Variants in DUSP13B observed in about 807,000 individuals in gnomAD.
The protein encoded by DUSP13B is dual specificity protein phosphatase 13B.
chr10:75,101,860 C>T, the DUSP13B span: 5 of 1,366,072 alleles, frequency 3.7e-6, no homozygotes, highest in Non-Finnish European at 4.9e-6. Context: ...TAGGAGCACT[C>T]ACCCACCTGT....
At chr10:75,108,904 G>C in the DUSP13B span, 1 of 1,442,948 alleles carries the variant, frequency 6.9e-7, no homozygotes, top group South Asian at 1.4e-5. Flanking sequence ...GATGGTCAGA[G>C]CAGAGCTATT....
chr10:75,101,855 G>T, the DUSP13B span: 946 of 1,364,446 alleles, frequency 6.9e-4, 5 homozygotes, highest in African/African-American at 0.012. Context: ...CAAATTAGGA[G>T]CACTCACCCA....
At chr10:75,107,964 G>C in the DUSP13B span, 2 of 1,591,800 alleles carry the variant, frequency 1.3e-6, no homozygotes, top group Non-Finnish European at 1.7e-6. Flanking sequence ...GAGCAAGATG[G>C]GATATGGGCT....
the DUSP13B span, chr10:75,103,917 TGA>T: frequency 3.8e-6 from 5 of 1,313,736 alleles, no homozygotes; most frequent in Non-Finnish European, 5.0e-6. Context: ...AGACAGTGGC[TGA>T]GAGGGGGTGT....
At chr10:75,102,059 G>A in the DUSP13B span, 1 of 909,100 alleles carries the variant, frequency 1.1e-6, no homozygotes, top group Non-Finnish European at 1.6e-6. Flanking sequence ...TCCATGGCAT[G>A]GCCAGTGCCA....
chr10:75,096,706 C>T, the DUSP13B span, among the ~76,000 whole-genome samples: 1 of 151,898 alleles, frequency 6.6e-6, no homozygotes, highest in Non-Finnish European at 1.5e-5. Flanking sequence ...GATGATAATC[C>T]CTGCATTCCA....
the DUSP13B span, among the ~76,000 whole-genome samples, chr10:75,102,713 G>A: frequency 1.3e-5 from 2 of 152,190 alleles, no homozygotes; most frequent in East Asian, 1.9e-4. Flanking sequence ...AGCACTTTGG[G>A]AGGCCGAGGT....
the DUSP13B span, among the ~76,000 whole-genome samples, chr10:75,102,728 G>T: frequency 1.1e-4 from 17 of 152,228 alleles, no homozygotes; most frequent in East Asian, 3.1e-3. Flanking sequence ...CGAGGTGGGC[G>T]GATCACCTGA....
the DUSP13B span, chr10:75,099,491 G>A: frequency 2.8e-5 from 35 of 1,231,962 alleles, no homozygotes; most frequent in South Asian, 1.7e-4. Flanking sequence ...CTGCCTGAGC[G>A]GAACAGGGCT....
the DUSP13B span, chr10:75,103,747 G>A: frequency 1.7e-6 from 1 of 573,204 alleles, no homozygotes; most frequent in Non-Finnish European, 2.6e-6. Context: ...AGCCCTGAGG[G>A]GAGCTGCTGG....
At chr10:75,105,688 CG>C in the DUSP13B span, 1 of 1,549,776 alleles carries the variant, frequency 6.5e-7, no homozygotes, top group Non-Finnish European at 8.7e-7. Flanking sequence ...GCCGGCACCC[CG>C]CAGTTGCTGG....
At chr10:75,099,208 C>T in the DUSP13B span, 1 of 1,232,124 alleles carries the variant, frequency 8.1e-7, no homozygotes, top group African/African-American at 1.6e-5. Context: ...TGCCCCTGAT[C>T]CCCTGGACCA....
chr10:75,108,152 G>T, the DUSP13B span: 7 of 1,612,926 alleles, frequency 4.3e-6, no homozygotes, highest in Non-Finnish European at 5.9e-6. Flanking sequence ...TGTGGGCGGC[G>T]TTCAGCACGT....
the DUSP13B span, among the ~76,000 whole-genome samples, chr10:75,095,349 T>G: frequency 6.6e-6 from 1 of 152,220 alleles, no homozygotes; most frequent in African/African-American, 2.4e-5. Context: ...AGGGATGTGG[T>G]GATGCTGATG....
chr10:75,108,951 A>T, the DUSP13B span: 1 of 1,543,396 alleles, frequency 6.5e-7, no homozygotes, highest in Non-Finnish European at 8.8e-7. Flanking sequence ...TGGTAAAGCG[A>T]CCAAGAACTG....
chr10:75,097,322 C>T, the DUSP13B span, among the ~76,000 whole-genome samples: 2 of 152,142 alleles, frequency 1.3e-5, no homozygotes, highest in Non-Finnish European at 2.9e-5. Context: ...GATTCTCCTG[C>T]CTCAGCCTCC....
At chr10:75,098,620 G>A in the DUSP13B span, among the ~76,000 whole-genome samples, 12 of 152,114 alleles carry the variant, frequency 7.9e-5, no homozygotes, top group Non-Finnish European at 1.5e-4. Context: ...AAATTAGCCA[G>A]GTGTGGTGGT....
the DUSP13B span, chr10:75,109,128 C>A: frequency 6.2e-7 from 1 of 1,606,672 alleles, no homozygotes; most frequent in Non-Finnish European, 8.5e-7. Context: ...TGTCCTCTCC[C>A]CCCAGCTCTG....
At chr10:75,100,435 G>A in the DUSP13B span, among the ~76,000 whole-genome samples, 11 of 152,202 alleles carry the variant, frequency 7.2e-5, no homozygotes, top group Admixed American at 5.9e-4. Flanking sequence ...CCAGGGACTC[G>A]TCCTTTAAGC....
Sources: allele counts gnomAD v4.1 joint callset (sites outside exome capture counted in the v4.1 genomes callset), GRCh38; gene constraint gnomAD v4.1.1; transcripts MANE v1.5; gene names NCBI Gene and HGNC (gene_info 2026-07-23, HGNC 2026-07-21).